SYNE2: variants seen among roughly 807,000 people sequenced by gnomAD.
The protein encoded by SYNE2 is nesprin-2.
Under a neutral mutation model 856.3 loss-of-function variants are expected in SYNE2, and 431 were observed. The ratio of observed to expected loss-of-function variants is 0.50; its 90% CI spans 0.47 to 0.55. SYNE2 has a LOEUF of 0.55. Ranked by LOEUF, SYNE2 falls within the 20% of genes least tolerant of loss-of-function variation. SYNE2 has a pLI of 0.00. For synonymous variants in SYNE2, 2,923 were observed against 2,872.3 expected (o/e 1.02, Z -0.56); for missense variants, 8,129 against 8,023.2 (o/e 1.01, Z -0.50).
At chr14:64,060,572 G>C (rs542991505) in intron 49 of SYNE2, among the ~76,000 whole-genome samples, 3 of 152,090 alleles carry the variant, frequency 2.0e-5, no homozygotes, top group Non-Finnish European at 4.4e-5. Context: ...GAAAGAAGGG[G>C]TCTCTTTTGG....
intron 79 of SYNE2, among the ~76,000 whole-genome samples, 160 bp from the exon 80 acceptor site, chr14:64,139,781 A>G (rs1221759272): frequency 2.0e-5 from 3 of 152,222 alleles, no homozygotes; most frequent in Non-Finnish European, 2.9e-5. Flanking sequence ...GCATCATGGT[A>G]TAAAACATGA....
chr14:64,165,426 G>C lies in SYNE2; in HGVS notation c.16605+16G>C. The C allele has an allele frequency of 6.2e-7, 1 of 1,612,526 alleles. No individual in the cohort carries two copies. The highest frequency in any genetic ancestry group is 8.5e-7 in the Non-Finnish European group (1 of 1,179,478). ...CTCATTCCTGGTATTGCCAATATTTGTCTTTTCTAAGGGCTTAGACTCACC... is the reference window on the plus strand; with the variant it reads ...CTCATTCCTGGTATTGCCAATATTTCTCTTTTCTAAGGGCTTAGACTCACC... On this transcript the variant is annotated intron_variant, in intron 90 of 115. Coordinates refer to ENST00000555002, the MANE Select transcript of SYNE2 (RefSeq NM_182914.3).
intron 1 of SYNE2, among the ~76,000 whole-genome samples, chr14:63,824,658 A>T (rs1889350813): frequency 6.6e-6 from 1 of 150,818 alleles, no homozygotes; most frequent in Non-Finnish European, 1.5e-5. Flanking sequence ...AAAAAGCGTA[A>T]TTAAAAGAGT....
chr14:63,894,217 T>G (rs1236619713), intron 1 of SYNE2, among the ~76,000 whole-genome samples: 1 of 151,958 alleles, frequency 6.6e-6, no homozygotes, highest in Non-Finnish European at 1.5e-5. Context: ...TTTTTTTTTT[T>G]TTTTGAGACA....
At chr14:63,824,716 A>G (rs1168904495) in intron 1 of SYNE2, among the ~76,000 whole-genome samples, 4 of 151,974 alleles carry the variant, frequency 2.6e-5, no homozygotes, top group Non-Finnish European at 4.4e-5. Context: ...GAGGTGATGC[A>G]TACCCCATTT....
Position 64,065,195 on chromosome 14 carries a change from G to GAA in SYNE2, c.10213-231_10213-230dup, listed in dbSNP as rs59209104. 0.022 allele frequency among the ~76,000 whole-genome samples: 3,279 copies of GAA among 151,952 alleles called. 118 individuals are homozygous for GAA. Among genetic ancestry groups the GAA allele is most frequent in the African/African-American group, 0.075 (3,107 of 41,468 alleles). On this transcript the variant is annotated intron_variant, in intron 50 of 115. Transcript: ENST00000555002. ...GCTTTTGAAAGTATGTTCTTTCTTG[G>GAA]AAAAAAATGGTTTATGGGTCATTAT... is the stretch of plus-strand genomic sequence containing the variant.
rs2098717478 is a variant in SYNE2 at position 64,226,183 on chromosome 14, T to C, written c.*657T>C. On this transcript the variant is annotated 3_prime_UTR_variant, in exon 116 of 116. Transcript: ENST00000555002. ...GTATGAATAATGTAAACTTCGATTT[T>C]TTTTTAAAAAAATTAGATTTTAGCT... The C allele has an allele frequency of 1.3e-5, 2 of 152,750 alleles. No individual in the cohort carries two copies. Among genetic ancestry groups the C allele is most frequent in the Admixed American group, 1.3e-4 (2 of 15,292 alleles). The allele number at this position is 152,750 out of a possible 1,614,324, so 9.5% of individuals were successfully genotyped here.
intron 1 of SYNE2, among the ~76,000 whole-genome samples, chr14:63,795,792 T>G (rs532411008): frequency 1.9e-4 from 29 of 152,352 alleles, no homozygotes; most frequent in Non-Finnish European, 4.0e-4. Flanking sequence ...CAATACTGCA[T>G]GTCTACAGAA....
At chr14:64,098,933 A>G (rs559887029) in intron 63 of SYNE2, 112 bp downstream of exon 63, 10 of 1,061,094 alleles carry the variant, frequency 9.4e-6, no homozygotes, top group East Asian at 2.6e-5. Context: ...ATTAATGTTG[A>G]TATTTTAAAA....
In SYNE2 at chr14:63,978,874, A is replaced by G; in HGVS notation, c.1429A>G (p.Lys477Glu). Residue 477 changes from lysine to glutamate, a missense_variant, in exon 14 of 116, where the codon AAA (lysine) becomes GAA (glutamate). Around this residue, in one of 3 missense-constraint regions of SYNE2, gnomAD observed 2,422 missense variants for 2,357.4 expected, o/e 1.03. Transcript: ENST00000555002. ...CAGAATCAACAACATTTTGGAGAAA[A>G]AATTTATTCTACTTCTAGAATTTCA... is the stretch of plus-strand genomic sequence containing the variant. ...KRRINNILEK[K>E]FILLLEFHYY... 1 of 1,613,284 alleles carries G rather than the reference A, an allele frequency of 6.2e-7. No homozygotes were observed. Among genetic ancestry groups the G allele is most frequent in the Non-Finnish European group, 8.5e-7 (1 of 1,179,562 alleles).
At chr14:63,929,497 G>T (rs186322911) in intron 2 of SYNE2, among the ~76,000 whole-genome samples, 1 of 152,292 alleles carries the variant, frequency 6.6e-6, no homozygotes, top group South Asian at 2.1e-4. Flanking sequence ...GAGGCCAGCC[G>T]CTGTGGCTCA....
At chr14:63,924,975 A>G (rs1232595014) in intron 2 of SYNE2, among the ~76,000 whole-genome samples, 2 of 150,340 alleles carry the variant, frequency 1.3e-5, no homozygotes, top group Admixed American at 1.3e-4. Context: ...TGTTATTAGT[A>G]TTTTTTTCTT....
Position 64,062,840 on chromosome 14 carries a change from T to C in SYNE2, c.10157T>C (p.Met3386Thr), listed in dbSNP as rs774428474. Residue 3386 changes from methionine to threonine, a missense_variant, in exon 50 of 116, where the codon ATG becomes ACG. Transcript: ENST00000555002. ...ATGGAGACAGTTCTTGGACAGTCCA[T>C]GTCCTCGTTGCCACTGTCTTACAGA... ...SKMETVLGQS[M>T]SSLPLSYREA... 1.9e-6 allele frequency: 3 copies of C among 1,614,204 alleles called. No individual in the cohort carries two copies. Among genetic ancestry groups the C allele is most frequent in the Admixed American group, 1.7e-5 (1 of 60,016 alleles).
intron 2 of SYNE2, among the ~76,000 whole-genome samples, chr14:63,931,749 A>C (rs2095758774): frequency 6.6e-6 from 1 of 152,102 alleles, no homozygotes; most frequent in African/African-American, 2.4e-5. Context: ...GGAAGCAAAA[A>C]CACAAAAGCA....
chr14:63,877,445 T>G (rs1358888148), intron 1 of SYNE2, among the ~76,000 whole-genome samples: 1 of 152,224 alleles, frequency 6.6e-6, no homozygotes, highest in Non-Finnish European at 1.5e-5. Flanking sequence ...TCTGAGCAGT[T>G]CCATTTTTCC....
At chr14:63,812,059 C>A (rs1335292596) in intron 1 of SYNE2, among the ~76,000 whole-genome samples, 1 of 152,108 alleles carries the variant, frequency 6.6e-6, no homozygotes, top group Non-Finnish European at 1.5e-5. Context: ...ACCGGTCTGA[C>A]CTCAAATTTA....
At chr14:64,062,038 A>G (rs974523286) in intron 49 of SYNE2, among the ~76,000 whole-genome samples, 2 of 152,130 alleles carry the variant, frequency 1.3e-5, no homozygotes, top group Non-Finnish European at 2.9e-5. Context: ...GTTACATTCA[A>G]TGGGGGATTT....
At chr14:63,812,722 G>A (rs1009992794) in intron 1 of SYNE2, among the ~76,000 whole-genome samples, 5 of 152,220 alleles carry the variant, frequency 3.3e-5, no homozygotes, top group Admixed American at 6.5e-5. Context: ...TGTGGCTCCA[G>A]CTGGTCCCTC....
intron 3 of SYNE2, 95 bp downstream of exon 3, chr14:63,940,770 C>T: frequency 9.5e-7 from 1 of 1,050,078 alleles, no homozygotes; most frequent in South Asian, 1.3e-5. Flanking sequence ...AAAAATGGTA[C>T]TGGTGATGAC....
Sources: allele counts gnomAD v4.1 joint callset (sites outside exome capture counted in the v4.1 genomes callset), GRCh38; gene constraint gnomAD v4.1.1; regional missense constraint gnomAD v4.1.1; transcripts MANE v1.5; gene names NCBI Gene and HGNC (gene_info 2026-07-23, HGNC 2026-07-21).